The following CHRNA1 variants were observed in gnomAD, a reference collection of about 807,000 sequenced individuals.
The protein encoded by CHRNA1 is cholinergic receptor nicotinic alpha 1 subunit.
A neutral mutation model predicts 47.1 loss-of-function variants in CHRNA1; 35 were observed. The observed-to-expected ratio is 0.74, with a 90% confidence interval of 0.57 to 0.99. The LOEUF (loss-of-function observed/expected upper bound fraction) is 0.99, where lower values mean the gene tolerates loss of function less well. CHRNA1 is among the 50% of genes least tolerant of loss of function. The pLI, the probability that CHRNA1 is intolerant of heterozygous loss-of-function variation, is 0.00. For missense variants in CHRNA1, 506 were observed against 591.1 expected, an observed-to-expected ratio of 0.86 and a Z score of 1.49; for synonymous variants, 229 against 223.6, an observed-to-expected ratio of 1.02 and a Z score of -0.22.
rs960188332 is a variant in CHRNA1, at chr2:174,748,329, C to A, written c.1243-74G>T. On this transcript the variant is annotated intron_variant, in intron 8 of 8. Coordinates refer to ENST00000348749, the MANE Select transcript of CHRNA1 (RefSeq NM_000079.4). The stretch of plus-strand genomic sequence containing the variant: ...GACTCACAACGTTTGTGCTTTGCAT[C>A]AACTATGGGCCCTTCAATTTGTAGA... 9 of 1,594,304 alleles carry A rather than the reference C, an allele frequency of 5.6e-6. No homozygotes were observed. The African/African-American group carries it at 9.4e-5, about 17-fold the overall frequency.
At chr2:174,759,710 AAC>A in intron 1 of CHRNA1, 77 bp from the exon 2 acceptor site, 1 of 1,584,674 alleles carries the variant, frequency 6.3e-7, no homozygotes, top group Non-Finnish European at 8.6e-7. Context: ...GGAACTGAGG[AAC>A]TGAGGCATAA....
chr2:174,762,933 T>G (rs1474086742), intron 1 of CHRNA1, among the ~76,000 whole-genome samples: 2 of 152,234 alleles, frequency 1.3e-5, no homozygotes, highest in African/African-American at 4.8e-5. Context: ...TATCTTAACC[T>G]GATTCTGTAT....
chr2:174,760,546 T>TG (rs1052943171), intron 1 of CHRNA1, among the ~76,000 whole-genome samples: 2 of 152,050 alleles, frequency 1.3e-5, no homozygotes, highest in East Asian at 1.9e-4. Context: ...TACCAGGGAC[T>TG]GGGGGGGAGA....
At chr2:174,753,393 G>A (rs1424202120) in intron 6 of CHRNA1, 110 bp downstream of exon 6, 4 of 1,080,282 alleles carry the variant, frequency 3.7e-6, no homozygotes, top group Non-Finnish European at 5.8e-6. Context: ...AATGATGATG[G>A]TTCGGGTCGA....
chr2:174,754,131 T>A (rs889668979), intron 5 of CHRNA1, 88 bp downstream of exon 5: 1 of 1,221,294 alleles, frequency 8.2e-7, no homozygotes, highest in Non-Finnish European at 1.2e-6. Context: ...TAACTGGTAC[T>A]GAGAGCCTAT....
Position 174,747,896 on chromosome 2 carries a change from A to C in CHRNA1, c.*228T>G. The stretch of plus-strand genomic sequence containing the variant: ...CTTTTTTTAGTGATTAGTTTCATTT[A>C]CTAAAGAGGGTTCACTCTTCAGGGA... On this transcript the variant is annotated 3_prime_UTR_variant, in exon 9 of 9. Coordinates refer to ENST00000348749, the MANE Select transcript of CHRNA1 (RefSeq NM_000079.4). 1.9e-6 allele frequency: 1 copy of C among 539,026 alleles called. No individual in the cohort carries two copies. The highest frequency in any genetic ancestry group is 3.3e-6 in the Non-Finnish European group (1 of 303,914). 33.4% of individuals were successfully genotyped at this position (539,026 alleles called of 1,614,324 possible). A position where few individuals can be genotyped will look rare whatever the true frequency, so the allele number is the denominator to read the frequency against.
chr2:174,753,783 C>T (rs546971248), intron 5 of CHRNA1, 43 bp from the exon 6 acceptor site: 1 of 1,587,040 alleles, frequency 6.3e-7, no homozygotes, highest in African/African-American at 1.3e-5. Context: ...GCAGGTCACC[C>T]TGATGAGGGG....
In CHRNA1 at chr2:174,753,406, T is replaced by C. The variant is rs117100375; in HGVS notation, c.778+97A>G. On this transcript the variant is annotated intron_variant, in intron 6 of 8. Coordinates refer to ENST00000348749, the MANE Select transcript of CHRNA1 (RefSeq NM_000079.4). ...CTAATGATGATGGTTCGGGTCGATC[T>C]GCCTGTTTGTTAGCACATGATTATT... 5.1e-4 allele frequency: 613 copies of C among 1,201,796 alleles called. 7 individuals are homozygous for C. In the East Asian group the frequency reaches 0.01, roughly 20 times the overall value. 74.4% of individuals were successfully genotyped at this position (1,201,796 alleles called of 1,614,324 possible). A position where few individuals can be genotyped will look rare whatever the true frequency, so the allele number is the denominator to read the frequency against.
At chr2:174,751,894 G>T (rs1683859717) in intron 6 of CHRNA1, among the ~76,000 whole-genome samples, 1 of 151,806 alleles carries the variant, frequency 6.6e-6, no homozygotes, top group Non-Finnish European at 1.5e-5. Flanking sequence ...TGGCCAGGCT[G>T]GTCTCAAACT....
At position 174,758,022 on chromosome 2, in the gene CHRNA1, T is replaced by A; in HGVS notation, c.235-347A>T. On this transcript the variant is annotated intron_variant, in intron 3 of 8. Coordinates refer to ENST00000348749, the MANE Select transcript of CHRNA1 (RefSeq NM_000079.4). ...GCGTGGCAGATCTACCATGTCACCC[T>A]GTCCACCCACAGAAAAGGAGAAAGA... 6.2e-7 allele frequency: 1 copy of A among 1,614,100 alleles called. No homozygotes were observed. The highest frequency in any genetic ancestry group is 2.2e-5 in the East Asian group (1 of 44,890).
intron 1 of CHRNA1, among the ~76,000 whole-genome samples, chr2:174,760,732 G>A (rs1179735234): frequency 6.6e-6 from 1 of 152,084 alleles, no homozygotes; most frequent in Non-Finnish European, 1.5e-5. Flanking sequence ...ATTTTACCAC[G>A]ATTTTTTAAA....
intron 4 of CHRNA1, 63 bp from the exon 5 acceptor site, chr2:174,754,477 G>C: frequency 6.9e-7 from 1 of 1,457,436 alleles, no homozygotes; most frequent in South Asian, 1.1e-5. Context: ...ATTCTGCTTG[G>C]GGACGTTAAC....
rs1553469444 is a variant in CHRNA1, at chr2:174,754,376, A to C, written c.383T>G (p.Val128Gly). 1.9e-6 allele frequency: 3 copies of C among 1,614,186 alleles called. No homozygotes were observed. The highest frequency in any genetic ancestry group is 2.5e-6 in the Non-Finnish European group (3 of 1,180,038). The change falls in exon 5 of 9, where the codon GTG becomes GGG. Residue 128 changes from valine (V) to glycine (G), a missense_variant. Physicochemically the swap from Val to Gly is moderately radical, Grantham distance 109 (BLOSUM62 -3). Coordinates refer to ENST00000348749, the MANE Select transcript of CHRNA1 (RefSeq NM_000079.4). ...GATGTGGCCAGTGTACTGCAGGAGCACTTTGGTGAACTTGACAATAGCAAA... is the reference window on the plus strand; with the variant it reads ...GATGTGGCCAGTGTACTGCAGGAGCCCTTTGGTGAACTTGACAATAGCAAA... ...GDFAIVKFTK[V>G]LLQYTGHITW...
rs1177284296 is a variant in CHRNA1 at position 174,755,425 on chromosome 2, C to CT, written c.345-1012dup. Among the ~76,000 whole-genome samples the CT allele has an allele frequency of 6.0e-3, 860 of 142,884 alleles. 4 individuals carry two copies. Among genetic ancestry groups the CT allele is most frequent in the South Asian group, 0.02 (88 of 4,468 alleles). The allele number at this position is 142,884 out of a possible 152,430, so 93.7% of individuals were successfully genotyped here. A position where few individuals can be genotyped will look rare whatever the true frequency, so the allele number is the denominator to read the frequency against. On this transcript the variant is annotated intron_variant, in intron 4 of 8. Transcript: ENST00000348749. ...GAAGCTGGAAACTTAGATTTTTTTT[C>CT]TTTTTTTTTTTTGAGATGGAGTCTC...
chr2:174,748,292 AG>A (rs770221862), intron 8 of CHRNA1, 37 bp from the exon 9 acceptor site: 3 of 1,613,208 alleles, frequency 1.9e-6, no homozygotes, highest in Non-Finnish European at 2.5e-6. Flanking sequence ...AGTCTCCCTA[AG>A]GTGGTTTCTG....
At chr2:174,758,813 G>T (rs1684034633) in intron 3 of CHRNA1, among the ~76,000 whole-genome samples, 1 of 152,008 alleles carries the variant, frequency 6.6e-6, no homozygotes, top group African/African-American at 2.4e-5. Flanking sequence ...TTAAAATGAA[G>T]TCATTAAAAT....
chr2:174,754,349 G>A lies in CHRNA1; in HGVS notation c.410C>T (p.Thr137Met), dbSNP rs780391418. 1.7e-5 allele frequency: 28 copies of A among 1,614,084 alleles called. No homozygotes were observed. The highest frequency in any genetic ancestry group is 2.2e-5 in the Non-Finnish European group (26 of 1,180,038). The change falls in exon 5 of 9, where the codon ACG becomes ATG. Residue 137 changes from threonine (T) to methionine (M), a missense_variant. Thr to Met is a moderately conservative substitution (Grantham distance 81, BLOSUM62 -1). Transcript: ENST00000348749. ...KVLLQYTGHI[T>M]WTPPAIFKSY... Reference sequence around the variant, plus strand: ...TTTAAAGATGGCTGGAGGTGTCCACGTGATGTGGCCAGTGTACTGCAGGAG... The same window carrying A: ...TTTAAAGATGGCTGGAGGTGTCCACATGATGTGGCCAGTGTACTGCAGGAG...
chr2:174,751,789 C>T (rs1683857101), intron 6 of CHRNA1, among the ~76,000 whole-genome samples: 1 of 151,852 alleles, frequency 6.6e-6, no homozygotes, highest in Admixed American at 6.6e-5. Flanking sequence ...AGCGATTCTC[C>T]TGCCTCAGCC....
At chr2:174,760,004 G>C (rs1684072273) in intron 1 of CHRNA1, among the ~76,000 whole-genome samples, 2 of 152,020 alleles carry the variant, frequency 1.3e-5, no homozygotes, top group African/African-American at 4.8e-5. Flanking sequence ...TTTCAGAGCA[G>C]TGTAATGAAA....
Sources: allele counts gnomAD v4.1 joint callset (sites outside exome capture counted in the v4.1 genomes callset), GRCh38; gene constraint gnomAD v4.1.1; transcripts MANE v1.5; gene names NCBI Gene and HGNC (gene_info 2026-07-23, HGNC 2026-07-21).